Variants in CENPF observed in about 807,000 individuals in gnomAD.
CENPF encodes AH antigen.
Under a neutral mutation model 307.3 loss-of-function variants are expected in CENPF, and 214 were observed. That is an observed-to-expected ratio of 0.70 (90% CI 0.62 to 0.78). The LOEUF is 0.78. CENPF is among the 30% of genes least tolerant of loss of function. The probability of loss-of-function intolerance (pLI) is 0.00; values close to 1 mark genes in which losing one functional copy is unlikely to be tolerated. For missense variants in CENPF, 3,401 were observed against 3,483.9 expected, an observed-to-expected ratio of 0.98 and a Z score of 0.60; for synonymous variants, 1,259 against 1,270.6, an observed-to-expected ratio of 0.99 and a Z score of 0.19.
Position 214,641,419 on chromosome 1 carries a change from A to C in CENPF, c.3081A>C (p.Gln1027His). ...QYKQEKLILL[Q>H]RCEETGNAYE... ...AGCAAGAAAAACTTATTTTACTACA[A>C]AGATGTGAAGAAACCGGAAATGCAT... The change falls in exon 12 of 20, where the codon CAA becomes CAC. Residue 1027 changes from glutamine to histidine, a missense_variant. Coordinates refer to ENST00000366955, the MANE Select transcript of CENPF (RefSeq NM_016343.4). 6.4e-7 allele frequency: 1 copy of C among 1,570,508 alleles called. No individual in the cohort carries two copies. Among genetic ancestry groups the C allele is most frequent in the Non-Finnish European group, 8.6e-7 (1 of 1,167,074 alleles).
rs755247764 is a variant in CENPF, at chr1:214,652,893, G to C, written c.8226G>C (p.Gln2742His). 2 of 1,608,756 alleles carry C rather than the reference G, an allele frequency of 1.2e-6. No individual in the cohort carries two copies. Among genetic ancestry groups the C allele is most frequent in the Non-Finnish European group, 1.7e-6 (2 of 1,177,970 alleles). ...LTSKEECLSSQKLEIDLLKSS... is the reference protein window; with the variant it reads ...LTSKEECLSSHKLEIDLLKSS... ...CTAAAGAAGAATGTCTCAGTTCACAGAAGCTGGAGATAGACCTTTTAAAGT... is the reference window on the plus strand; with the variant it reads ...CTAAAGAAGAATGTCTCAGTTCACACAAGCTGGAGATAGACCTTTTAAAGT... Residue 2742 changes from glutamine (Q) to histidine (H), a missense_variant, in exon 16 of 20, where the codon CAG becomes CAC. Coordinates refer to ENST00000366955, the MANE Select transcript of CENPF (RefSeq NM_016343.4).
intron 7 of CENPF, among the ~76,000 whole-genome samples, chr1:214,626,006 T>G (rs1405402206): frequency 6.6e-5 from 10 of 152,220 alleles, no homozygotes; most frequent in Non-Finnish European, 1.5e-5. Context: ...TGTTTATATA[T>G]ACGTGTGTGT....
chr1:214,620,191 G>A (rs1038993743), intron 5 of CENPF, among the ~76,000 whole-genome samples: 1 of 152,112 alleles, frequency 6.6e-6, no homozygotes, highest in Non-Finnish European at 1.5e-5. Flanking sequence ...TTAAACACTC[G>A]ATGTGACTTT....
rs748446288 is a variant in CENPF, at chr1:214,643,233, A to T, written c.4895A>T (p.Glu1632Val). 3.1e-6 allele frequency: 5 copies of T among 1,596,666 alleles called. No individual in the cohort carries two copies. In the African/African-American group the frequency reaches 6.8e-5, roughly 22 times the overall value. The change falls in exon 12 of 20, where the codon GAA becomes GTA. Residue 1632 changes from glutamate (E) to valine (V), a missense_variant. Coordinates refer to ENST00000366955, the MANE Select transcript of CENPF (RefSeq NM_016343.4). ...SKLAAEKKQT[E>V]QLSLELEVAR... ...TTGGCGGCAGAAAAGAAACAGACGG[A>T]ACAACTGTCACTTGAGCTGGAAGTA...
chr1:214,639,988 C>A lies in CENPF; in HGVS notation c.1650C>A (p.Ser550=). 2 of 1,587,250 alleles carry A rather than the reference C, an allele frequency of 1.3e-6. No individual in the cohort carries two copies. Among genetic ancestry groups the A allele is most frequent in the Non-Finnish European group, 1.7e-6 (2 of 1,173,148 alleles). ...AAAAAATAAATCAGCAAGAAAACTCCTTGACTTTAGAAAAACTGAAGCTTG... is the reference window on the plus strand; with the variant it reads ...AAAAAATAAATCAGCAAGAAAACTCATTGACTTTAGAAAAACTGAAGCTTG... ...LQEKINQQEN[S]LTLEKLKLAV... Residue 550 remains serine, a synonymous_variant, in exon 12 of 20, where the codon TCC becomes TCA. Transcript: ENST00000366955.
In CENPF at chr1:214,651,744, A is replaced by T. The variant is rs754221041; in HGVS notation, c.8018A>T (p.Glu2673Val). The part of the protein sequence containing the change: ...QLKELTLENS[E>V]LKKSLDCMHK... ...AAGGAGCTCACACTAGAAAATAGTG[A>T]ATTGAAGAAGAGCCTAGATTGCATG... Residue 2673 changes from glutamate (E) to valine (V), a missense_variant, in exon 15 of 20, where the codon GAA becomes GTA. Glu to Val is a moderately radical substitution (Grantham distance 121). Coordinates refer to ENST00000366955, the MANE Select transcript of CENPF (RefSeq NM_016343.4). 4 of 1,603,472 alleles carry T rather than the reference A, an allele frequency of 2.5e-6. No homozygotes were observed. In the South Asian group the frequency reaches 4.5e-5, roughly 18 times the overall value.
chr1:214,644,714 T>TA lies in CENPF; in HGVS notation c.5144_5145insA (p.Lys1716GlufsTer17). 1 of 1,613,954 alleles carries TA rather than the reference T, an allele frequency of 6.2e-7. No individual in the cohort carries two copies. Among genetic ancestry groups the TA allele is most frequent in the Non-Finnish European group, 8.5e-7 (1 of 1,179,954 alleles). On this transcript the variant is annotated frameshift_variant, in exon 13 of 20. Coordinates refer to ENST00000366955, the MANE Select transcript of CENPF (RefSeq NM_016343.4). LOFTEE classifies it high-confidence loss of function. The stretch of plus-strand genomic sequence containing the variant: ...GAGAAAATAACTGAGACTGGTGCAG[T>TA]GAAACCCACAGGAGAGTGCTCTGGG...
At chr1:214,633,758 C>T (rs549232815) in intron 10 of CENPF, among the ~76,000 whole-genome samples, 2 of 152,202 alleles carry the variant, frequency 1.3e-5, no homozygotes, top group Non-Finnish European at 2.9e-5. Context: ...AACTTCAAAT[C>T]AGATGATAGT....
At chr1:214,608,503 G>C in intron 1 of CENPF, 2 of 1,612,240 alleles carry the variant, frequency 1.2e-6, no homozygotes, top group Admixed American at 1.7e-5. Context: ...GAAGAGGACC[G>C]TGTACCTGGC....
chr1:214,647,797 G>A (rs2102569770), intron 13 of CENPF, among the ~76,000 whole-genome samples: 1 of 152,276 alleles, frequency 6.6e-6, no homozygotes, highest in South Asian at 2.1e-4. Context: ...GGATCGGAAA[G>A]GATCTGCCTG....
rs549537002 is a variant in CENPF, at chr1:214,620,043, C to CCAA, written c.574-612_574-611insCAA. 1.4e-3 allele frequency among the ~76,000 whole-genome samples: 209 copies of CCAA among 151,702 alleles called. 2 individuals carry two copies. The highest frequency in any genetic ancestry group is 4.9e-3 in the African/African-American group (202 of 41,380). ...GTAAACATTAACCCTCTTCCTATGG[C>CCAA]AAAAAAAAGTGCTTGCTGTAAAAAT... On this transcript the variant is annotated intron_variant, in intron 5 of 19. Transcript: ENST00000366955.
chr1:214,641,655 T>C lies in CENPF; in HGVS notation c.3317T>C (p.Val1106Ala), dbSNP rs755394404. The C allele has an allele frequency of 2.5e-6, 4 of 1,581,802 alleles. No individual in the cohort carries two copies. The highest frequency in any genetic ancestry group is 3.4e-6 in the Non-Finnish European group (4 of 1,166,946). Residue 1106 changes from valine (V) to alanine (A), a missense_variant, in exon 12 of 20, where the codon GTG (valine) becomes GCG (alanine). Coordinates refer to ENST00000366955, the MANE Select transcript of CENPF (RefSeq NM_016343.4). ...NQNLMLELET[V>A]QQALRSEMTD... is the part of the protein sequence containing the mutation. Reference sequence around the variant, plus strand: ...AATCTGATGCTAGAGTTGGAGACAGTGCAGCAAGCTCTGAGATCTGAGATG... The same window carrying C: ...AATCTGATGCTAGAGTTGGAGACAGCGCAGCAAGCTCTGAGATCTGAGATG...
chr1:214,615,108 T>C (rs1432455361), intron 3 of CENPF, 80 bp downstream of exon 3: 4 of 1,031,898 alleles, frequency 3.9e-6, no homozygotes, highest in African/African-American at 3.3e-5. Flanking sequence ...TTTAACAATA[T>C]AATTATTATA....
intron 10 of CENPF, among the ~76,000 whole-genome samples, chr1:214,633,401 C>T (rs1051357828): frequency 6.6e-6 from 1 of 152,088 alleles, no homozygotes; most frequent in East Asian, 1.9e-4. Context: ...TTGAAGAGAG[C>T]CATAAATCAA....
intron 1 of CENPF, chr1:214,606,135 G>T: frequency 6.7e-7 from 1 of 1,500,534 alleles, no homozygotes; most frequent in South Asian, 1.2e-5. Context: ...CACCCTTCCC[G>T]CCAGCGGGCG....
At chr1:214,654,678 G>A (rs1377189708) in intron 16 of CENPF, among the ~76,000 whole-genome samples, 1 of 151,638 alleles carries the variant, frequency 6.6e-6, no homozygotes, top group Non-Finnish European at 1.5e-5. Flanking sequence ...TTTGGGAATT[G>A]TGAATAAGAA....
chr1:214,641,090 G>T lies in CENPF; in HGVS notation c.2752G>T (p.Asp918Tyr). Reference sequence around the variant, plus strand: ...GGAAAAAGAGCTGCAACTTTTAAATGATAAGGTAGAAACTGAGCAGGCAGA... The same window carrying T: ...GGAAAAAGAGCTGCAACTTTTAAATTATAAGGTAGAAACTGAGCAGGCAGA... ...NKEKELQLLN[D>Y]KVETEQAEIQ... Residue 918 changes from aspartate to tyrosine, a missense_variant, in exon 12 of 20, where the codon GAT (aspartate) becomes TAT (tyrosine). By Grantham distance (160) the Asp-to-Tyr change is radical. Transcript: ENST00000366955. The T allele has an allele frequency of 6.4e-7, 1 of 1,570,536 alleles. No homozygotes were observed. Among genetic ancestry groups the T allele is most frequent in the Non-Finnish European group, 8.6e-7 (1 of 1,167,352 alleles).
At chr1:214,643,504 T>C (rs950585727) in intron 12 of CENPF, among the ~76,000 whole-genome samples, 180 bp downstream of exon 12, 1 of 152,114 alleles carries the variant, frequency 6.6e-6, no homozygotes, top group Non-Finnish European at 1.5e-5. Flanking sequence ...TGAGTAAACG[T>C]TATTTGAGGA....
chr1:214,630,598 G>C lies in CENPF; in HGVS notation c.1259G>C (p.Arg420Thr). The stretch of plus-strand genomic sequence containing the variant: ...CAGGAGTGCATCCAGATGAAGGCCA[G>C]ACTCACCCAGGAGTTACAGCAAGCC... ...LDQECIQMKA[R>T]LTQELQQAKN... Residue 420 changes from arginine (R) to threonine (T), a missense_variant, in exon 9 of 20, where the codon AGA becomes ACA. Transcript: ENST00000366955. 6.2e-7 allele frequency: 1 copy of C among 1,614,162 alleles called. No individual in the cohort carries two copies. Among genetic ancestry groups the C allele is most frequent in the South Asian group, 1.1e-5 (1 of 91,082 alleles).
Sources: allele counts gnomAD v4.1 joint callset (sites outside exome capture counted in the v4.1 genomes callset), GRCh38; gene constraint gnomAD v4.1.1; transcripts MANE v1.5; gene names NCBI Gene and HGNC (gene_info 2026-07-23, HGNC 2026-07-21).